The following HSPBP1 variants were observed in gnomAD, a reference collection of about 807,000 sequenced individuals.
The protein encoded by HSPBP1 is hsp70-binding protein 1.
In HSPBP1, 31 loss-of-function variants were observed where a neutral mutation model predicts 41.7. The observed-to-expected ratio is 0.74, with a 90% CI of 0.56 to 1.00. The LOEUF is 1.00. Among genes scored for constraint, HSPBP1 ranks in the 50% least tolerant of loss-of-function variants. HSPBP1 has a pLI of 0.00. For missense variants in HSPBP1, 439 were observed against 487.9 expected (o/e 0.90, Z 0.94); for synonymous variants, 199 against 214.4 (o/e 0.93, Z 0.63).
At chr19:55,275,384 A>G (rs906438136) in intron 3 of HSPBP1, among the ~76,000 whole-genome samples, 1 of 152,240 alleles carries the variant, frequency 6.6e-6, no homozygotes, top group Admixed American at 6.5e-5. Flanking sequence ...GGACTCAGAT[A>G]CTTATATACT....
rs755806945 is a variant in HSPBP1 at position 55,265,401 on chromosome 19, A to G, written c.894-12T>C. On this transcript the variant is annotated splice_polypyrimidine_tract_variant and intron_variant, in intron 6 of 7. Coordinates refer to ENST00000433386, the MANE Select transcript of HSPBP1 (RefSeq NM_012267.5). ...AGTCTGTCACCAGGCTGTGAGGGAC[A>G]TGACAGCGGCCCTTAGGACCTCCCT... 6.8e-6 allele frequency: 11 copies of G among 1,607,434 alleles called. No homozygotes were observed. The East Asian group carries it at 1.8e-4, about 26-fold the overall frequency.
chr19:55,277,672 C>G lies in HSPBP1; in HGVS notation c.385G>C (p.Asp129His). The G allele has an allele frequency of 6.2e-7, 1 of 1,606,012 alleles. No individual in the cohort carries two copies. Among genetic ancestry groups the G allele is most frequent in the Non-Finnish European group, 8.5e-7 (1 of 1,177,282 alleles). The stretch of plus-strand genomic sequence containing the variant: ...GCATTGTCCATGTTCTCACACAGGT[C>G]GGCCAGCAGCTCCAGGGCCCCCTCT... ...EREGALELLADLCENMDNAAD... is the reference protein window; with the variant it reads ...EREGALELLAHLCENMDNAAD... The change falls in exon 3 of 8, where the codon GAC becomes CAC. Residue 129 changes from aspartate (D) to histidine (H), a missense_variant. Physicochemically the swap from Asp to His is moderately conservative, Grantham distance 81. Coordinates refer to ENST00000433386, the MANE Select transcript of HSPBP1 (RefSeq NM_012267.5).
At chr19:55,275,438 A>C (rs2088045635) in intron 3 of HSPBP1, among the ~76,000 whole-genome samples, 1 of 152,162 alleles carries the variant, frequency 6.6e-6, no homozygotes, top group Non-Finnish European at 1.5e-5. Flanking sequence ...AAATGTCCTT[A>C]AAGGATAAAG....
chr19:55,275,135 C>A (rs950394057), intron 3 of HSPBP1, among the ~76,000 whole-genome samples: 1 of 152,172 alleles, frequency 6.6e-6, no homozygotes, highest in African/African-American at 2.4e-5. Flanking sequence ...TAGTACAACT[C>A]GATTCCATCA....
chr19:55,277,502 T>C, intron 3 of HSPBP1, 140 bp downstream of exon 3: 3 of 831,302 alleles, frequency 3.6e-6, no homozygotes, highest in Non-Finnish European at 5.9e-6. Flanking sequence ...TTGCTCCTTA[T>C]GGCAATGGAG....
At position 55,262,776 on chromosome 19, in the gene HSPBP1, C is replaced by T. The variant is rs190011401; in HGVS notation, c.1006-94G>A. The T allele has an allele frequency of 3.4e-4, 391 of 1,140,650 alleles. 2 individuals carry two copies. In the African/African-American group the frequency reaches 5.5e-3, roughly 16 times the overall value. The allele number at this position is 1,140,650 out of a possible 1,614,324, so 70.7% of individuals were successfully genotyped here. On this transcript the variant is annotated intron_variant, in intron 7 of 7. Transcript: ENST00000433386. ...GGCACCCAGAGGTGACTCCTCTTCT[C>T]TCCTGGCCACCACCCACTCCCCCCC...
chr19:55,264,991 C>T (rs1842707125), intron 7 of HSPBP1, among the ~76,000 whole-genome samples: 1 of 151,494 alleles, frequency 6.6e-6, no homozygotes, highest in Non-Finnish European at 1.5e-5. Flanking sequence ...ACCTGGTCCT[C>T]CTCACACCCT....
intron 4 of HSPBP1, among the ~76,000 whole-genome samples, chr19:55,273,243 G>A (rs566862264): frequency 6.6e-6 from 1 of 152,282 alleles, no homozygotes; most frequent in East Asian, 1.9e-4. Context: ...TCCCGCCTCG[G>A]CCTCCCAAAG....
rs1192210637 is a variant in HSPBP1, at chr19:55,268,620, A to T, written c.641-2334T>A. Among the ~76,000 whole-genome samples the T allele has an allele frequency of 6.6e-6, 1 of 152,240 alleles. No individual in the cohort carries two copies. The highest frequency in any genetic ancestry group is 1.9e-4 in the East Asian group (1 of 5,202). On this transcript the variant is annotated intron_variant, in intron 4 of 7. Transcript: ENST00000433386. This position sits in a 1 kb window ranked among gnomAD's most constrained non-coding sequence, Gnocchi z 4.5. ...CATTAATAGTCCATATTAATTACAC[A>T]TTGAAATTATAATAGTTTGGACATA...
chr19:55,263,967 C>CT (rs201171002), intron 7 of HSPBP1, among the ~76,000 whole-genome samples: 15,614 of 130,454 alleles, frequency 0.12, 1,620 homozygotes, highest in African/African-American at 0.24. Context: ...ATGTAGTACA[C>CT]TTTTTTTTTT....
At chr19:55,274,683 A>C in intron 3 of HSPBP1, 61 bp from the exon 4 acceptor site, 2 of 1,390,612 alleles carry the variant, frequency 1.4e-6, no homozygotes. Context: ...TGCCCCCCAA[A>C]ATGCATGGGT....
At chr19:55,262,998 C>T (rs2087686052) in intron 7 of HSPBP1, among the ~76,000 whole-genome samples, 1 of 152,112 alleles carries the variant, frequency 6.6e-6, no homozygotes, top group Non-Finnish European at 1.5e-5. Context: ...CGGATACAAA[C>T]CCCAGAAACC....
intron 4 of HSPBP1, among the ~76,000 whole-genome samples, chr19:55,273,290 A>G (rs2087973669): frequency 6.6e-6 from 1 of 152,162 alleles, no homozygotes; most frequent in Admixed American, 6.6e-5. Flanking sequence ...ACGCCTGGCC[A>G]AGAGTACTAA....
chr19:55,263,694 G>A (rs948897433), intron 7 of HSPBP1, among the ~76,000 whole-genome samples: 6 of 152,160 alleles, frequency 3.9e-5, no homozygotes, highest in African/African-American at 1.4e-4. Context: ...TCACAGCACG[G>A]CAGGCTTATT....
chr19:55,270,919 C>T lies in HSPBP1; in HGVS notation c.640+3479G>A, dbSNP rs1471526686. ...CACACCTCCACATATATACCACACA[C>T]CACACAACCCATGTACACGCTACAC... On this transcript the variant is annotated intron_variant, in intron 4 of 7. Transcript: ENST00000433386. The surrounding 1 kb of genome is among the most constrained non-coding windows in gnomAD (Gnocchi z 5.4). Among the ~76,000 whole-genome samples, 2 of 151,062 alleles carry T rather than the reference C, an allele frequency of 1.3e-5. No homozygotes were observed. Among genetic ancestry groups the T allele is most frequent in the Non-Finnish European group, 3.0e-5 (2 of 67,748 alleles).
rs2087767840 is a variant in HSPBP1, at chr19:55,266,123, T to C, written c.796+8A>G. The C allele has an allele frequency of 6.9e-6, 11 of 1,600,896 alleles. No homozygotes were observed. In the South Asian group the frequency reaches 1.2e-4, roughly 18 times the overall value. ...CCCACTCCTGCCCTCACTCAAGGGC[T>C]GCCACACCTTTGTGTTCAGGGTGGC... is the stretch of plus-strand genomic sequence containing the variant. On this transcript the variant is annotated splice_region_variant and intron_variant, in intron 5 of 7. Transcript: ENST00000433386.
chr19:55,271,195 A>G (rs1344057925), intron 4 of HSPBP1, among the ~76,000 whole-genome samples: 3 of 151,842 alleles, frequency 2.0e-5, no homozygotes, highest in African/African-American at 7.3e-5. Flanking sequence ...TGTCTCACAG[A>G]TTTTTAAAAA....
intron 7 of HSPBP1, among the ~76,000 whole-genome samples, chr19:55,264,654 A>G (rs1437244164): frequency 2.0e-5 from 3 of 152,184 alleles, no homozygotes; most frequent in East Asian, 1.9e-4. Context: ...ATTATATTCA[A>G]TTTACATTTA....
intron 2 of HSPBP1, 127 bp downstream of exon 2, chr19:55,279,272 A>G (rs2088162360): frequency 2.7e-6 from 2 of 743,858 alleles, no homozygotes; most frequent in East Asian, 2.7e-5. Context: ...ATGCCTCCAC[A>G]CCTGGTTTTC....
Sources: allele counts gnomAD v4.1 joint callset (sites outside exome capture counted in the v4.1 genomes callset), GRCh38; gene constraint gnomAD v4.1.1; non-coding constraint Gnocchi (gnomAD v3.1); transcripts MANE v1.5; gene names NCBI Gene and HGNC (gene_info 2026-07-23, HGNC 2026-07-21).